RASSF8: variants seen among roughly 807,000 people sequenced by gnomAD.
RASSF8 encodes Ras association domain family member 8.
A neutral mutation model predicts 48.5 loss-of-function variants in RASSF8; 22 were observed. That is an observed-to-expected ratio of 0.45 (90% CI 0.32 to 0.65). The LOEUF is 0.65. Among genes scored for constraint, RASSF8 ranks in the 30% least tolerant of loss-of-function variants. The probability of loss-of-function intolerance (pLI) is 0.03; values close to 1 mark genes in which losing one functional copy is unlikely to be tolerated. For missense variants in RASSF8, 418 were observed against 489.2 expected (o/e 0.85, Z 1.37); for synonymous variants, 127 against 171.5 (o/e 0.74, Z 2.03).
chr12:26,028,748 TATG>T (rs1942968621), intron 2 of RASSF8, among the ~76,000 whole-genome samples: 1 of 152,170 alleles, frequency 6.6e-6, no homozygotes, highest in South Asian at 2.1e-4. Flanking sequence ...TATAAGGTGC[TATG>T]ATGAATTAAA....
At chr12:26,001,130 G>T (rs560646875) in intron 2 of RASSF8, among the ~76,000 whole-genome samples, 1 of 150,642 alleles carries the variant, frequency 6.6e-6, no homozygotes, top group African/African-American at 2.4e-5. Context: ...GACTACAAGT[G>T]CATTTCACCA....
chr12:26,049,992 T>G (rs747280180), intron 2 of RASSF8, among the ~76,000 whole-genome samples: 1 of 151,960 alleles, frequency 6.6e-6, no homozygotes, highest in African/African-American at 2.4e-5. Flanking sequence ...CGTGTGTTAG[T>G]CAGGATGGTC....
At chr12:25,999,656 C>T (rs904953008) in intron 2 of RASSF8, among the ~76,000 whole-genome samples, 1 of 152,104 alleles carries the variant, frequency 6.6e-6, no homozygotes, top group Non-Finnish European at 1.5e-5. Context: ...CCACTGTGCT[C>T]CACCCTGGGT....
intron 2 of RASSF8, among the ~76,000 whole-genome samples, chr12:26,043,963 T>G (rs1314218479): frequency 6.6e-6 from 1 of 152,198 alleles, no homozygotes; most frequent in Non-Finnish European, 1.5e-5. Flanking sequence ...TCGAGGTGAT[T>G]AGACGAGTGT....
chr12:26,078,794 T>G (rs1944092235), intron 5 of RASSF8, among the ~76,000 whole-genome samples: 1 of 152,140 alleles, frequency 6.6e-6, no homozygotes, highest in Non-Finnish European at 1.5e-5. Context: ...TAATACAGCT[T>G]TATAACCTAA....
In RASSF8 at chr12:26,072,850, T is replaced by G; in HGVS notation, c.*4032T>G. 1 of 905,034 alleles carries G rather than the reference T, an allele frequency of 1.1e-6. No homozygotes were observed. Among genetic ancestry groups the G allele is most frequent in the Non-Finnish European group, 1.3e-6 (1 of 756,886 alleles). 56.1% of individuals were successfully genotyped at this position (905,034 alleles called of 1,614,324 possible). A position where few individuals can be genotyped will look rare whatever the true frequency, so the allele number is the denominator to read the frequency against. ...TTGGATATTCTCCCAAATAATAAAT[T>G]TTCAGGATTCATTGGGGCATTACAG... On this transcript the variant is annotated 3_prime_UTR_variant, in exon 6 of 6. Coordinates refer to ENST00000689635, the MANE Select transcript of RASSF8 (RefSeq NM_001394098.1).
At chr12:26,005,973 C>T (rs1284894383) in intron 2 of RASSF8, among the ~76,000 whole-genome samples, 1 of 152,184 alleles carries the variant, frequency 6.6e-6, no homozygotes. Context: ...GTGTAGTCTT[C>T]GGTTTTGCCC....
chr12:26,067,803 C>T (rs1165737233), intron 5 of RASSF8, 90 bp downstream of exon 5: 13 of 1,516,084 alleles, frequency 8.6e-6, no homozygotes, highest in Admixed American at 3.6e-5. Flanking sequence ...ATCACTGTAT[C>T]GCCCAGGCTG....
intron 2 of RASSF8, among the ~76,000 whole-genome samples, chr12:26,029,674 A>G (rs920897651): frequency 6.6e-6 from 1 of 152,204 alleles, no homozygotes; most frequent in Non-Finnish European, 1.5e-5. Flanking sequence ...GAGGAACAAG[A>G]TCATTTCCTT....
Position 26,064,915 on chromosome 12 carries a change from C to T in RASSF8, c.521C>T (p.Thr174Ile). ...TTGAAGAAGCTAATCCGTCTGCAGA[C>T]AGAGAAGCTTCAATCCATTGAGAAA... is the stretch of plus-strand genomic sequence containing the variant. ...DELKKLIRLQTEKLQSIEKQL... is the reference protein window; with the variant it reads ...DELKKLIRLQIEKLQSIEKQL... The change falls in exon 4 of 6, where the codon ACA (threonine) becomes ATA (isoleucine). Residue 174 changes from threonine (T) to isoleucine (I), a missense_variant. Thr to Ile is a moderately conservative substitution (Grantham distance 89). Coordinates refer to ENST00000689635, the MANE Select transcript of RASSF8 (RefSeq NM_001394098.1). The T allele has an allele frequency of 6.2e-7, 1 of 1,614,132 alleles. No individual in the cohort carries two copies. The highest frequency in any genetic ancestry group is 8.5e-7 in the Non-Finnish European group (1 of 1,180,042).
intron 1 of RASSF8, among the ~76,000 whole-genome samples, chr12:25,978,261 A>C (rs2136895139): frequency 6.6e-6 from 1 of 152,320 alleles, no homozygotes; most frequent in East Asian, 1.9e-4. Context: ...AAATCAAGTT[A>C]TTTTTAAGCG....
intron 2 of RASSF8, among the ~76,000 whole-genome samples, chr12:26,012,423 T>C (rs909243436): frequency 5.9e-5 from 9 of 152,194 alleles, no homozygotes; most frequent in African/African-American, 2.2e-4. Context: ...GTATTGATTG[T>C]GTGAACTGTC....
At chr12:26,014,418 G>C (rs1366777454) in intron 2 of RASSF8, among the ~76,000 whole-genome samples, 1 of 152,132 alleles carries the variant, frequency 6.6e-6, no homozygotes, top group Non-Finnish European at 1.5e-5. Context: ...CTCCCAATAT[G>C]TTTTGGGAAA....
At chr12:25,961,744 A>G (rs1238472651) in intron 1 of RASSF8, among the ~76,000 whole-genome samples, 4 of 152,110 alleles carry the variant, frequency 2.6e-5, no homozygotes, top group Non-Finnish European at 5.9e-5. Flanking sequence ...CAACATCTCA[A>G]ACTCCTTCAG....
At chr12:26,061,259 C>G (rs1389870520) in intron 3 of RASSF8, among the ~76,000 whole-genome samples, 2 of 152,046 alleles carry the variant, frequency 1.3e-5, no homozygotes, top group East Asian at 3.9e-4. Flanking sequence ...TGTGTATTTT[C>G]AAAATGTTAT....
exon 6 of RASSF8, chr12:26,079,463 C>T (rs10842667): frequency 0.27 from 41,406 of 152,402 alleles, 5,999 homozygotes; most frequent in African/African-American, 0.36. Flanking sequence ...TGGTGGCACG[C>T]GCCTGTAATC....
At chr12:25,981,827 A>G (rs1941751793) in intron 1 of RASSF8, among the ~76,000 whole-genome samples, 1 of 152,172 alleles carries the variant, frequency 6.6e-6, no homozygotes, top group Admixed American at 6.5e-5. Context: ...ATGATTGATT[A>G]TTTCTGTATT....
intron 2 of RASSF8, among the ~76,000 whole-genome samples, chr12:26,002,815 G>A (rs1162406267): frequency 6.6e-6 from 1 of 152,138 alleles, no homozygotes; most frequent in Non-Finnish European, 1.5e-5. Flanking sequence ...GAATCGGAGT[G>A]GTGAAAGTAG....
chr12:26,010,528 C>T lies in RASSF8; in HGVS notation c.-109+15398C>T, dbSNP rs1034204816. On this transcript the variant is annotated intron_variant, in intron 2 of 5. Transcript: ENST00000689635. ...AACCTGCCCCTCCTGATTACCCCGG[C>T]CCTGGGGAGGGCACTGTGGTTTAAG... 5.3e-5 allele frequency among the ~76,000 whole-genome samples: 8 copies of T among 152,196 alleles called. No individual in the cohort carries two copies. In the South Asian group the frequency reaches 1.7e-3, roughly 31 times the overall value.
Sources: allele counts gnomAD v4.1 joint callset (sites outside exome capture counted in the v4.1 genomes callset), GRCh38; gene constraint gnomAD v4.1.1; transcripts MANE v1.5; gene names NCBI Gene and HGNC (gene_info 2026-07-23, HGNC 2026-07-21).